The following PRRC2B variants were observed in gnomAD, a reference collection of about 807,000 sequenced individuals.
PRRC2B encodes proline rich coiled-coil 2B.
In PRRC2B, 68 loss-of-function variants were observed where a neutral mutation model predicts 242.3. That is an observed-to-expected ratio of 0.28 (90% confidence interval 0.23 to 0.34). The LOEUF (loss-of-function observed/expected upper bound fraction) is 0.34. PRRC2B is among the 10% of genes least tolerant of loss of function. The pLI, the probability that PRRC2B is intolerant of heterozygous loss-of-function variation, is 1.00. For synonymous variants in PRRC2B, 1,228 were observed against 1,173.6 expected (o/e 1.05, Z -0.95); for missense variants, 2,835 against 2,954.8 (o/e 0.96, Z 0.94).
At chr9:131,389,422 G>T (rs1836870384), upstream of PRRC2B, among the ~76,000 whole-genome samples, 1 of 150,596 alleles carries the variant, frequency 6.6e-6, no homozygotes, top group African/African-American at 2.4e-5. Context: ...CTCCCAAAGT[G>T]CTAGGATCAC....
chr9:131,390,832 G>C (rs1378378353), upstream of PRRC2B, among the ~76,000 whole-genome samples: 2 of 128,778 alleles, frequency 1.6e-5, no homozygotes, highest in African/African-American at 5.9e-5. Context: ...TGTCGCCCAG[G>C]CTATAGTGCA....
rs548488783 is a variant in PRRC2B at position 131,415,687 on chromosome 9, G to T, written c.-51-14407G>T. Among the ~76,000 whole-genome samples the T allele has an allele frequency of 8.5e-4, 129 of 152,320 alleles. 1 individual carries two copies. The highest frequency in any genetic ancestry group is 1.2e-3 in the Non-Finnish European group (81 of 68,038). Reference sequence around the variant, plus strand: ...GAGAGGATGGTGATACTGGTAAGAAGTCTCCATCATTGTTGCTCCTGAGAA... The same window carrying T: ...GAGAGGATGGTGATACTGGTAAGAATTCTCCATCATTGTTGCTCCTGAGAA... On this transcript the variant is annotated intron_variant, in intron 1 of 31. Coordinates refer to ENST00000683519, the MANE Select transcript of PRRC2B (RefSeq NM_013318.4).
intron 12 of PRRC2B, 83 bp from the exon 13 acceptor site, chr9:131,467,480 G>A: frequency 1.6e-6 from 2 of 1,241,256 alleles, no homozygotes; most frequent in South Asian, 1.5e-5. Flanking sequence ...GGGCCAACAG[G>A]AAGAAGTACT....
rs1030551662 is a variant in PRRC2B at position 131,487,814 on chromosome 9, G to T, written c.5985-42G>T. ...AAGGGTGGGACCAGATCCGCAGCTG[G>T]ACTCATCCACCTGATCCCGACCATC... On this transcript the variant is annotated intron_variant, in intron 27 of 31. Transcript: ENST00000683519. The surrounding 1 kb of genome is among the most constrained non-coding windows in gnomAD (Gnocchi z 5.3). 1 of 1,580,988 alleles carries T rather than the reference G, an allele frequency of 6.3e-7. No homozygotes were observed. Among genetic ancestry groups the T allele is most frequent in the South Asian group, 1.1e-5 (1 of 87,252 alleles).
intron 6 of PRRC2B, among the ~76,000 whole-genome samples, chr9:131,444,667 C>G (rs887867580): frequency 1.3e-5 from 2 of 152,148 alleles, no homozygotes; most frequent in Non-Finnish European, 2.9e-5. Context: ...TCTAAAGCTC[C>G]CAATCCTAGC....
At chr9:131,430,722 A>G (rs1391957276) in intron 2 of PRRC2B, among the ~76,000 whole-genome samples, 1 of 151,848 alleles carries the variant, frequency 6.6e-6, no homozygotes, top group African/African-American at 2.4e-5. Flanking sequence ...CCTCCCGAGT[A>G]GCAAGGATTA....
rs1286301403 is a variant in PRRC2B at position 131,424,317 on chromosome 9, C to G, written c.-51-5777C>G. ...TTTTAGGGTCAGTGCTTGTCTAGGC[C>G]ACTCCTTCAGTAGATGAGGAAACAG... On this transcript the variant is annotated intron_variant, in intron 1 of 31. Transcript: ENST00000683519. Among the ~76,000 whole-genome samples, 4 of 152,102 alleles carry G rather than the reference C, an allele frequency of 2.6e-5. No individual in the cohort carries two copies. The East Asian group carries it at 7.7e-4, about 29-fold the overall frequency.
intron 12 of PRRC2B, among the ~76,000 whole-genome samples, chr9:131,467,196 A>G (rs1943421291): frequency 6.6e-6 from 1 of 152,074 alleles, no homozygotes; most frequent in Non-Finnish European, 1.5e-5. Flanking sequence ...CAGCCTCCCA[A>G]AGTGCTGGGA....
chr9:131,495,903 C>T lies in PRRC2B; in HGVS notation c.*29C>T. On this transcript the variant is annotated 3_prime_UTR_variant, in exon 32 of 32. Coordinates refer to ENST00000683519, the MANE Select transcript of PRRC2B (RefSeq NM_013318.4). ...TGCCTGGCTGCCACCTCGCCTCTCC[C>T]TACTGAGGACGGTGCCGCCATGCGG... 1 of 1,590,254 alleles carries T rather than the reference C, an allele frequency of 6.3e-7. No homozygotes were observed. The highest frequency in any genetic ancestry group is 1.1e-5 in the South Asian group (1 of 90,662).
At chr9:131,427,692 G>T (rs1331770539) in intron 1 of PRRC2B, among the ~76,000 whole-genome samples, 1 of 152,026 alleles carries the variant, frequency 6.6e-6, no homozygotes, top group East Asian at 1.9e-4. Context: ...CCACCACATC[G>T]CATGTGTTCC....
chr9:131,443,709 G>GT (rs1345772278), intron 5 of PRRC2B, among the ~76,000 whole-genome samples: 2 of 152,188 alleles, frequency 1.3e-5, no homozygotes, highest in East Asian at 3.9e-4. Flanking sequence ...AGGATTACAG[G>GT]TGTGAGCCAC....
chr9:131,475,610 C>T lies in PRRC2B; in HGVS notation c.3481C>T (p.Leu1161Phe), dbSNP rs1321364107. 6.2e-7 allele frequency: 1 copy of T among 1,612,560 alleles called. No homozygotes were observed. Among genetic ancestry groups the T allele is most frequent in the South Asian group, 1.1e-5 (1 of 90,992 alleles). ...RGSENGNEGSLLEREESTLKK... is the reference protein window; with the variant it reads ...RGSENGNEGSFLEREESTLKK... ...CTCCGAGAACGGGAATGAAGGCTCG[C>T]TCCTGGAGAGGGAGGAGAGCACCTT... Residue 1161 changes from leucine to phenylalanine, a missense_variant, in exon 16 of 32, where the codon CTC becomes TTC. Leu to Phe is a conservative substitution (Grantham distance 22). Around this residue, in one of 7 missense-constraint regions of PRRC2B, gnomAD observed 1,536 missense variants for 1,483.1 expected, o/e 1.04. Transcript: ENST00000683519.
chr9:131,396,927 CTCTGCAGTGGT>C (rs1160697055), intron 1 of PRRC2B, among the ~76,000 whole-genome samples: 1 of 152,146 alleles, frequency 6.6e-6, no homozygotes, highest in African/African-American at 2.4e-5. Context: ...TGGTAAATGG[CTCTGCAGTGGT>C]TCTGCATTTT....
rs1944386474 is a variant in PRRC2B, at chr9:131,498,384, T to C, written c.*2510T>C. 1 of 152,236 alleles carries C rather than the reference T, an allele frequency of 6.6e-6. No homozygotes were observed. Among genetic ancestry groups the C allele is most frequent in the African/African-American group, 2.4e-5 (1 of 41,462 alleles). 9.4% of individuals were successfully genotyped at this position (152,236 alleles called of 1,614,324 possible). A position where few individuals can be genotyped will look rare whatever the true frequency, so the allele number is the denominator to read the frequency against. On this transcript the variant is annotated 3_prime_UTR_variant, in exon 32 of 32. Transcript: ENST00000683519. ...TGAAGTTCGGTGCAGTCACCACCTG[T>C]GTGTGACCTGAGCTGCAGTCTCTTC...
rs763049268 is a variant in PRRC2B at position 131,495,715 on chromosome 9, G to T, written c.6556-25G>T. 8.2e-6 allele frequency: 13 copies of T among 1,590,504 alleles called. No individual in the cohort carries two copies. In the South Asian group the frequency reaches 9.9e-5, roughly 12 times the overall value. On this transcript the variant is annotated intron_variant, in intron 31 of 31. Transcript: ENST00000683519. ...CACGTTTCAGCGTCAGGGTCACTTT[G>T]TTTTTCCCATTCATCTGTCCAAAGG...
rs1244445746 is a variant in PRRC2B at position 131,497,398 on chromosome 9, A to T, written c.*1524A>T. 1.3e-5 allele frequency: 2 copies of T among 152,212 alleles called. No homozygotes were observed. The highest frequency in any genetic ancestry group is 4.8e-5 in the African/African-American group (2 of 41,448). 9.4% of individuals were successfully genotyped at this position (152,212 alleles called of 1,614,324 possible). A position where few individuals can be genotyped will look rare whatever the true frequency, so the allele number is the denominator to read the frequency against. ...GGGAAGGGGACAGTTCAGGTTTCTC[A>T]GCTGTTCTTAGGGGTCACTGAGCGT... On this transcript the variant is annotated 3_prime_UTR_variant, in exon 32 of 32. Transcript: ENST00000683519.
chr9:131,437,206 ACT>A (rs1415605718), intron 4 of PRRC2B, among the ~76,000 whole-genome samples: 2 of 152,022 alleles, frequency 1.3e-5, no homozygotes, highest in Non-Finnish European at 1.5e-5. Context: ...ACCTAATGTG[ACT>A]CTCTGAGAAG....
chr9:131,459,218 T>G lies in PRRC2B; in HGVS notation c.1266T>G (p.Ser422Arg). 2.5e-6 allele frequency: 4 copies of G among 1,613,950 alleles called. No individual in the cohort carries two copies. The highest frequency in any genetic ancestry group is 2.5e-6 in the Non-Finnish European group (3 of 1,179,884). The change falls in exon 11 of 32, where the codon AGT becomes AGG. Residue 422 changes from serine to arginine, a missense_variant. Ser to Arg is a moderately radical substitution (Grantham distance 110). Coordinates refer to ENST00000683519, the MANE Select transcript of PRRC2B (RefSeq NM_013318.4). ...AGTTGTCAATGAGCTCTGCAGACAG[T>G]GCGGACGCTAAGCGGACTCGAGAGG... The part of the protein sequence containing the change: ...QRQLSMSSAD[S>R]ADAKRTREEG...
rs1006376976 is a variant in PRRC2B, at chr9:131,479,409, G to A, written c.4900+16G>A. On this transcript the variant is annotated intron_variant, in intron 19 of 31. Transcript: ENST00000683519. ...AGCAGCCAGGGTGAGAGTTGGGGGT[G>A]TGACCCCAGCTGTGGCACCCAAGGT... 1.2e-6 allele frequency: 2 copies of A among 1,610,574 alleles called. No homozygotes were observed. The highest frequency in any genetic ancestry group is 2.7e-5 in the African/African-American group (2 of 74,902).
Sources: allele counts gnomAD v4.1 joint callset (sites outside exome capture counted in the v4.1 genomes callset), GRCh38; gene constraint gnomAD v4.1.1; regional missense constraint gnomAD v4.1.1; non-coding constraint Gnocchi (gnomAD v3.1); transcripts MANE v1.5; gene names NCBI Gene and HGNC (gene_info 2026-07-23, HGNC 2026-07-21).